Variants in SNAP23 observed in about 807,000 individuals in gnomAD.
The protein encoded by SNAP23 is synaptosome associated protein 23.
A neutral mutation model predicts 29.0 loss-of-function variants in SNAP23; 11 were observed. The observed-to-expected ratio is 0.38, with a 90% CI of 0.24 to 0.63. The LOEUF is 0.63. Ranked by LOEUF, SNAP23 falls within the 20% of genes least tolerant of loss-of-function variation. SNAP23 has a pLI of 0.58. For missense variants in SNAP23, 220 were observed against 253.9 expected (o/e 0.87, Z 0.91); for synonymous variants, 60 against 82.9 (o/e 0.72, Z 1.50).
At chr15:42,529,886 T>G in intron 7 of SNAP23, 67 bp downstream of exon 7, 1 of 1,523,014 alleles carries the variant, frequency 6.6e-7, no homozygotes, top group Non-Finnish European at 9.0e-7. Context: ...TAGACATCTG[T>G]GCTAGATACT....
At chr15:42,491,710 A>G (rs1283755257), upstream of SNAP23, 2 of 152,220 alleles carry the variant, frequency 1.3e-5, no homozygotes, top group African/African-American at 4.8e-5. Context: ...CAGACATTCC[A>G]TAATACTGAC....
At chr15:42,504,185 A>G (rs778477443) in intron 1 of SNAP23, among the ~76,000 whole-genome samples, 16 of 151,670 alleles carry the variant, frequency 1.1e-4, no homozygotes, top group Non-Finnish European at 1.8e-4. Context: ...AAATAATAAT[A>G]TAATAAAAGG....
At chr15:42,492,675 T>TAA (rs2057180150), upstream of SNAP23, 1 of 18,612 alleles carries the variant, frequency 5.4e-5, no homozygotes. Flanking sequence ...AGACTGCGTC[T>TAA]CAAAAAAAAA....
chr15:42,491,889 A>ATTATTTATTTAT (rs764056114), upstream of SNAP23, among the ~76,000 whole-genome samples: 76 of 142,646 alleles, frequency 5.3e-4, no homozygotes, highest in Non-Finnish European at 1.0e-3. Flanking sequence ...GCCTACATTT[A>ATTATTTATTTAT]TTATTTATTT....
Position 42,532,068 on chromosome 15 carries a change from A to C in SNAP23, c.*590A>C, listed in dbSNP as rs1267931150. The C allele has an allele frequency of 6.6e-6, 1 of 152,134 alleles. No individual in the cohort carries two copies. Among genetic ancestry groups the C allele is most frequent in the Non-Finnish European group, 1.5e-5 (1 of 68,020 alleles). The allele number at this position is 152,134 out of a possible 1,614,324, so 9.4% of individuals were successfully genotyped here. On this transcript the variant is annotated 3_prime_UTR_variant, in exon 8 of 8. Transcript: ENST00000249647. ...CACAGTTTTGCAACCTCTGCTCCAAAGAGAAAAATAGAATGAGTTTTCTTT... is the reference window on the plus strand; with the variant it reads ...CACAGTTTTGCAACCTCTGCTCCAACGAGAAAAATAGAATGAGTTTTCTTT...
intron 1 of SNAP23, among the ~76,000 whole-genome samples, chr15:42,510,227 C>A (rs1309471979): frequency 6.6e-6 from 1 of 152,058 alleles, no homozygotes; most frequent in Admixed American, 6.6e-5. Flanking sequence ...CCTCAACCTC[C>A]TGGACTCAAG....
intron 1 of SNAP23, among the ~76,000 whole-genome samples, chr15:42,506,336 C>T (rs2057317026): frequency 6.6e-6 from 1 of 152,052 alleles, no homozygotes; most frequent in Admixed American, 6.6e-5. Context: ...CTCCCAGGCT[C>T]AAGTGAACCT....
chr15:42,497,043 C>CTTTTT (rs1223381614), intron 1 of SNAP23, among the ~76,000 whole-genome samples: 1 of 141,210 alleles, frequency 7.1e-6, no homozygotes, highest in African/African-American at 2.6e-5. Context: ...TTCTTTCTTT[C>CTTTTT]TTTTTTTTTT....
intron 1 of SNAP23, among the ~76,000 whole-genome samples, chr15:42,499,470 C>T (rs940100087): frequency 1.3e-5 from 2 of 152,146 alleles, no homozygotes; most frequent in African/African-American, 4.8e-5. Flanking sequence ...GTGGAGTCTT[C>T]ACCTATGAGT....
intron 5 of SNAP23, chr15:42,521,766 T>G: frequency 1.6e-6 from 1 of 640,992 alleles, no homozygotes; most frequent in South Asian, 1.8e-5. Flanking sequence ...TGGTGAAAAC[T>G]GTCTCTAAAC....
chr15:42,528,039 T>G lies in SNAP23; in HGVS notation c.267-223T>G, dbSNP rs190778987. On this transcript the variant is annotated intron_variant, in intron 5 of 7. Coordinates refer to ENST00000249647, the MANE Select transcript of SNAP23 (RefSeq NM_003825.4). ...TAGTGAAGATTTGGTAGAAGTAGTA[T>G]TTGGACCTTTTTAAAATTTTTTTTA... The G allele has an allele frequency of 3.3e-5, 15 of 459,498 alleles. No homozygotes were observed. In the East Asian group the frequency reaches 5.0e-4, roughly 15 times the overall value. The allele number at this position is 459,498 out of a possible 1,614,324, so 28.5% of individuals were successfully genotyped here. A position where few individuals can be genotyped will look rare whatever the true frequency, so the allele number is the denominator to read the frequency against.
At chr15:42,512,207 A>G (rs1345350164) in intron 2 of SNAP23, 1 of 178,324 alleles carries the variant, frequency 5.6e-6, no homozygotes, top group Non-Finnish European at 1.2e-5. Context: ...TAATATCTGT[A>G]ATTTACTTAG....
At chr15:42,525,609 G>A (rs1476661764) in intron 5 of SNAP23, among the ~76,000 whole-genome samples, 2 of 150,806 alleles carry the variant, frequency 1.3e-5, no homozygotes, top group South Asian at 2.1e-4. Flanking sequence ...GACTGCATTC[G>A]AGCGCCACCA....
intron 1 of SNAP23, among the ~76,000 whole-genome samples, chr15:42,504,944 C>T (rs552805737): frequency 2.2e-4 from 34 of 152,242 alleles, no homozygotes; most frequent in African/African-American, 7.7e-4. Flanking sequence ...GAGTGTAACT[C>T]ATTGAGGAGC....
chr15:42,497,163 G>A (rs2057226850), intron 1 of SNAP23, among the ~76,000 whole-genome samples: 2 of 147,614 alleles, frequency 1.4e-5, no homozygotes, highest in Non-Finnish European at 3.0e-5. Flanking sequence ...TCACACTCCT[G>A]AGTAGCTGAG....
At chr15:42,524,301 C>T (rs957643450) in intron 5 of SNAP23, among the ~76,000 whole-genome samples, 5 of 152,158 alleles carry the variant, frequency 3.3e-5, no homozygotes, top group African/African-American at 1.2e-4. Context: ...CCAGGCTATA[C>T]TCCATGTGTA....
chr15:42,501,538 TAC>T (rs906122113), intron 1 of SNAP23, among the ~76,000 whole-genome samples: 8 of 151,982 alleles, frequency 5.3e-5, no homozygotes, highest in Non-Finnish European at 1.2e-4. Context: ...TAGCTGGGAC[TAC>T]AGGTGCACGC....
intron 5 of SNAP23, among the ~76,000 whole-genome samples, chr15:42,515,860 T>C (rs2057392813): frequency 6.6e-6 from 1 of 152,130 alleles, no homozygotes; most frequent in Admixed American, 6.6e-5. Context: ...ACAGAACTGA[T>C]AAAGGTTGGG....
intron 5 of SNAP23, among the ~76,000 whole-genome samples, chr15:42,522,285 A>G (rs1157235937): frequency 1.3e-5 from 2 of 152,218 alleles, no homozygotes; most frequent in African/African-American, 4.8e-5. Flanking sequence ...TTCCTTAAAT[A>G]AGGGTTTCCC....
Sources: allele counts gnomAD v4.1 joint callset (sites outside exome capture counted in the v4.1 genomes callset), GRCh38; gene constraint gnomAD v4.1.1; transcripts MANE v1.5; gene names NCBI Gene and HGNC (gene_info 2026-07-23, HGNC 2026-07-21).